The following MCM5 variants were observed in gnomAD, a reference collection of about 807,000 sequenced individuals.
MCM5 encodes DNA replication licensing factor MCM5.
A neutral mutation model predicts 79.9 loss-of-function variants in MCM5; 46 were observed. The ratio of observed to expected loss-of-function variants is 0.58; its 90% confidence interval spans 0.45 to 0.74. MCM5 has a LOEUF of 0.74. Ranked by LOEUF, MCM5 falls within the 30% of genes least tolerant of loss-of-function variation. MCM5 has a pLI of 0.00. For synonymous variants in MCM5, 404 were observed against 390.5 expected (o/e 1.03, Z -0.41); for missense variants, 883 against 1,017.0 (o/e 0.87, Z 1.79).
chr22:35,417,955 GC>G, intron 13 of MCM5, 99 bp downstream of exon 13: 2 of 790,962 alleles, frequency 2.5e-6, no homozygotes, highest in Non-Finnish European at 4.4e-6. Flanking sequence ...ATGAAGAACA[GC>G]CCAGATGTTG....
chr22:35,426,244 C>T (rs1932778756), downstream of MCM5, among the ~76,000 whole-genome samples: 1 of 152,148 alleles, frequency 6.6e-6, no homozygotes, highest in Non-Finnish European at 1.5e-5. Flanking sequence ...GGGGCAGCAG[C>T]ATGAAGAGAG....
At position 35,408,637 on chromosome 22, in the gene MCM5, G is replaced by C. The variant is rs1259614441; in HGVS notation, c.752+74G>C. 2.6e-6 allele frequency: 4 copies of C among 1,519,728 alleles called. No homozygotes were observed. In the East Asian group the frequency reaches 9.3e-5, roughly 35 times the overall value. The allele number at this position is 1,519,728 out of a possible 1,614,324, so 94.1% of individuals were successfully genotyped here. A position where few individuals can be genotyped will look rare whatever the true frequency, so the allele number is the denominator to read the frequency against. ...AGCTGTGGCCCTAACCCGAGTGTTG[G>C]GAGTGGGTCATCTGGAGCAGGGTGA... On this transcript the variant is annotated intron_variant, in intron 6 of 16. Transcript: ENST00000216122.
intron 9 of MCM5, among the ~76,000 whole-genome samples, chr22:35,414,385 C>T (rs961481278): frequency 1.3e-5 from 2 of 152,042 alleles, no homozygotes; most frequent in East Asian, 1.9e-4. Context: ...TTTGGGAGGC[C>T]GAGGTGGGCG....
chr22:35,449,918 G>A, the MCM5 span, among the ~76,000 whole-genome samples: 1 of 152,062 alleles, frequency 6.6e-6, no homozygotes, highest in African/African-American at 2.4e-5. Context: ...AGTAGCTGGG[G>A]CTACAGGTGT....
chr22:35,413,757 A>G, intron 8 of MCM5, 118 bp from the exon 9 acceptor site: 1 of 684,154 alleles, frequency 1.5e-6, no homozygotes, highest in Non-Finnish European at 2.7e-6. Context: ...CTTCTTACCA[A>G]CTCTGAGGCC....
chr22:35,403,505 A>C lies in MCM5; in HGVS notation c.386A>C (p.Lys129Thr), dbSNP rs369681288. 1 of 1,614,130 alleles carries C rather than the reference A, an allele frequency of 6.2e-7. No homozygotes were observed. The highest frequency in any genetic ancestry group is 8.5e-7 in the Non-Finnish European group (1 of 1,180,026). Residue 129 changes from lysine to threonine, a missense_variant, in exon 4 of 17, where the codon AAG becomes ACG. This residue lies in a region of MCM5 where 455 missense variants were observed against 517.5 expected (regional missense o/e 0.88). Coordinates refer to ENST00000216122, the MANE Select transcript of MCM5 (RefSeq NM_006739.4). ...EVLQDIQVML[K>T]SDASPSSIRS... ...CTCCAGGACATCCAGGTCATGCTCA[A>C]GTCGGACGCCAGCCCTTCCAGCATT... is the stretch of plus-strand genomic sequence containing the variant.
the MCM5 span, among the ~76,000 whole-genome samples, chr22:35,447,582 C>A: frequency 6.6e-6 from 1 of 152,304 alleles, no homozygotes; most frequent in East Asian, 1.9e-4. Context: ...AAGGGATTCT[C>A]CTGCCTCAGC....
At chr22:35,428,546 A>C (rs1932792111), downstream of MCM5, among the ~76,000 whole-genome samples, 1 of 152,210 alleles carries the variant, frequency 6.6e-6, no homozygotes, top group East Asian at 1.9e-4. Context: ...TATGTAAACT[A>C]TCTACATATG....
At chr22:35,439,199 T>TCATC in the MCM5 span, among the ~76,000 whole-genome samples, 11 of 136,820 alleles carry the variant, frequency 8.0e-5, no homozygotes, top group East Asian at 2.3e-3. Flanking sequence ...ACCCACAAAT[T>TCATC]CATCCATCCA....
In MCM5 at chr22:35,421,233, G is replaced by A. The variant is rs1932683555; in HGVS notation, c.1833-85G>A. 2.1e-6 allele frequency: 3 copies of A among 1,455,230 alleles called. No individual in the cohort carries two copies. In the African/African-American group the frequency reaches 4.2e-5, roughly 20 times the overall value. The allele number at this position is 1,455,230 out of a possible 1,614,324, so 90.1% of individuals were successfully genotyped here. Reference sequence around the variant, plus strand: ...CTCCACCACAGTCTTACCACTTTGGGCAAGCACCTCCCTGGTAACGGGCTG... The same window carrying A: ...CTCCACCACAGTCTTACCACTTTGGACAAGCACCTCCCTGGTAACGGGCTG... On this transcript the variant is annotated intron_variant, in intron 14 of 16. Coordinates refer to ENST00000216122, the MANE Select transcript of MCM5 (RefSeq NM_006739.4).
At position 35,416,510 on chromosome 22, in the gene MCM5, T is replaced by TTCAGG. The variant is rs1491303099; in HGVS notation, c.1413+106_1413+107insTCAGG. 66 of 1,194,136 alleles carry TTCAGG rather than the reference T, an allele frequency of 5.5e-5. 1 individual carries two copies. In the African/African-American group the frequency reaches 1.1e-3, roughly 20 times the overall value. The allele number at this position is 1,194,136 out of a possible 1,614,324, so 74.0% of individuals were successfully genotyped here. A position where few individuals can be genotyped will look rare whatever the true frequency, so the allele number is the denominator to read the frequency against. ...AAGTTCTCTTTGCCCAGGCCTAGAA[T>TTCAGG]CTGTGTGTGTGTGTGTGTGTGTGTG... On this transcript the variant is annotated intron_variant, in intron 11 of 16. Transcript: ENST00000216122.
At chr22:35,423,510 G>A (rs904563939) in intron 16 of MCM5, 169 bp downstream of exon 16, 12 of 631,512 alleles carry the variant, frequency 1.9e-5, no homozygotes, top group Non-Finnish European at 2.9e-5. Flanking sequence ...CTTCCCTAGG[G>A]ACATCTTCAT....
At chr22:35,447,697 C>T in the MCM5 span, among the ~76,000 whole-genome samples, 1 of 152,124 alleles carries the variant, frequency 6.6e-6, no homozygotes. Flanking sequence ...GGACTCCTGA[C>T]CTCAAGTGAT....
At chr22:35,427,894 G>A (rs187955668), downstream of MCM5, among the ~76,000 whole-genome samples, 1 of 152,162 alleles carries the variant, frequency 6.6e-6, no homozygotes, top group East Asian at 1.9e-4. Flanking sequence ...TGGACTTGGG[G>A]CCAGGTGTGG....
intron 13 of MCM5, 58 bp from the exon 14 acceptor site, chr22:35,419,826 G>A (rs1459475235): frequency 3.3e-6 from 5 of 1,530,066 alleles, no homozygotes; most frequent in African/African-American, 1.4e-5. Flanking sequence ...GGGGGAAAGG[G>A]TAGGTGCCCT....
At chr22:35,420,050 G>T (rs926867052) in intron 14 of MCM5, 38 bp downstream of exon 14, 7 of 1,575,904 alleles carry the variant, frequency 4.4e-6, no homozygotes, top group South Asian at 1.2e-5. Flanking sequence ...GGCAGATGGG[G>T]CTTGCTTTAC....
intron 2 of MCM5, among the ~76,000 whole-genome samples, chr22:35,402,610 C>G (rs1201470759): frequency 6.6e-6 from 1 of 151,760 alleles, no homozygotes; most frequent in East Asian, 1.9e-4. Context: ...CTGGAGTGCC[C>G]TGGCGAGATC....
chr22:35,413,765 G>A (rs1465628561), intron 8 of MCM5, 110 bp from the exon 9 acceptor site: 16 of 705,590 alleles, frequency 2.3e-5, no homozygotes, highest in Non-Finnish European at 7.9e-6. Flanking sequence ...CAACTCTGAG[G>A]CCCATGATAG....
At position 35,424,520 on chromosome 22, in the gene MCM5, T is replaced by G; in HGVS notation, c.*265T>G. ...TTCAGGTATCTGTGGGTTTGTGCAC[T>G]CGGTGACCTGTCACCTCCATCGTGC... On this transcript the variant is annotated 3_prime_UTR_variant, in exon 17 of 17. Transcript: ENST00000216122. 1 of 353,566 alleles carries G rather than the reference T, an allele frequency of 2.8e-6. No homozygotes were observed. Among genetic ancestry groups the G allele is most frequent in the East Asian group, 4.8e-5 (1 of 20,840 alleles). The allele number at this position is 353,566 out of a possible 1,614,324, so 21.9% of individuals were successfully genotyped here.
Sources: allele counts gnomAD v4.1 joint callset (sites outside exome capture counted in the v4.1 genomes callset), GRCh38; gene constraint gnomAD v4.1.1; regional missense constraint gnomAD v4.1.1; transcripts MANE v1.5; gene names NCBI Gene and HGNC (gene_info 2026-07-23, HGNC 2026-07-21).